The following SLC26A5 variants were observed in gnomAD, a reference collection of about 807,000 sequenced individuals.
The protein encoded by SLC26A5 is solute carrier family 26 member 5, also known as prestin.
Under a neutral mutation model 81.0 loss-of-function variants are expected in SLC26A5, and 51 were observed. The observed-to-expected ratio is 0.63, with a 90% confidence interval of 0.50 to 0.80. The LOEUF (loss-of-function observed/expected upper bound fraction) is 0.80. Among genes scored for constraint, SLC26A5 ranks in the 30% least tolerant of loss-of-function variants. SLC26A5 has a pLI of 0.00. For synonymous variants in SLC26A5, 325 were observed against 332.8 expected, an observed-to-expected ratio of 0.98 and a Z score of 0.25; for missense variants, 771 against 905.8, an observed-to-expected ratio of 0.85 and a Z score of 1.91.
At chr7:103,389,253 C>T in intron 13 of SLC26A5, 76 bp downstream of exon 13, 1 of 1,288,986 alleles carries the variant, frequency 7.8e-7, no homozygotes, top group Non-Finnish European at 1.1e-6. Flanking sequence ...ATTAATTTAT[C>T]TTTCTCACAT....
chr7:103,445,259 GGT>G (rs1268644792), intron 1 of SLC26A5: 1 of 152,222 alleles, frequency 6.6e-6, no homozygotes, highest in African/African-American at 2.4e-5. Flanking sequence ...TTCTTCTGTA[GGT>G]CTCGGAGCTC....
intron 15 of SLC26A5, among the ~76,000 whole-genome samples, chr7:103,379,837 G>A (rs919253630): frequency 1.3e-5 from 2 of 152,104 alleles, no homozygotes; most frequent in African/African-American, 4.8e-5. Flanking sequence ...AACTCTAGGA[G>A]GCAGGCTGGA....
rs778694088 is a variant in SLC26A5, at chr7:103,421,405, T to C, written c.110A>G (p.Lys37Arg). The change falls in exon 3 of 20, where the codon AAG becomes AGG. Residue 37 changes from lysine to arginine, a missense_variant. Lys to Arg is a conservative substitution (Grantham distance 26). Coordinates refer to ENST00000306312, the MANE Select transcript of SLC26A5 (RefSeq NM_198999.3). ...CTTATCCGCAATGGAATCAGGAACC[T>C]TGTCCTTTGTGTGTAGTCTTTCCTG... The part of the protein sequence containing the change: ...VLQERLHTKD[K>R]VPDSIADKLK... 1.9e-6 allele frequency: 3 copies of C among 1,614,140 alleles called. No homozygotes were observed. Among genetic ancestry groups the C allele is most frequent in the Non-Finnish European group, 2.5e-6 (3 of 1,179,992 alleles).
chr7:103,355,808 T>C (rs769017116), intron 19 of SLC26A5: 1 of 1,574,348 alleles, frequency 6.4e-7, no homozygotes, highest in Non-Finnish European at 8.7e-7. Context: ...GCACGGGTGC[T>C]CTGTGGCAAC....
chr7:103,366,986 G>A (rs1240082502), intron 19 of SLC26A5, among the ~76,000 whole-genome samples: 1 of 152,078 alleles, frequency 6.6e-6, no homozygotes, highest in African/African-American at 2.4e-5. Context: ...TGTATTTTTA[G>A]TAGAGACGTG....
chr7:103,395,349 T>A (rs1823002076), intron 9 of SLC26A5, among the ~76,000 whole-genome samples: 1 of 148,140 alleles, frequency 6.8e-6, no homozygotes, highest in South Asian at 2.2e-4. Context: ...AGGTCTTTTT[T>A]TTTTTTTTTT....
chr7:103,355,094 T>A, intron 19 of SLC26A5: 1 of 650,020 alleles, frequency 1.5e-6, no homozygotes, highest in Non-Finnish European at 2.7e-6. Context: ...TTAGATCTCA[T>A]TTAACCATAT....
Position 103,367,817 on chromosome 7 carries a change from G to T in SLC26A5, c.2041+8991C>A. The T allele has an allele frequency of 3.1e-6, 5 of 1,612,830 alleles. No homozygotes were observed. Among genetic ancestry groups the T allele is most frequent in the South Asian group, 2.2e-5 (2 of 90,846 alleles). On this transcript the variant is annotated intron_variant, in intron 19 of 19. Transcript: ENST00000339444. The surrounding 1 kb of genome is among the most constrained non-coding windows in gnomAD (Gnocchi z 6.1). ...TGTGTCCAAATAGCACTGGTAAGTAGAAAGTTCTTGCTTATATTTGCTGGT... is the reference window on the plus strand; with the variant it reads ...TGTGTCCAAATAGCACTGGTAAGTATAAAGTTCTTGCTTATATTTGCTGGT...
At chr7:103,368,083 A>G (rs1820812182) in intron 19 of SLC26A5, 2 of 1,576,062 alleles carry the variant, frequency 1.3e-6, no homozygotes, top group Non-Finnish European at 1.7e-6. Context: ...TGAAAACTTT[A>G]AATTGGAATC....
At chr7:103,383,839 C>G (rs1821980128) in intron 14 of SLC26A5, among the ~76,000 whole-genome samples, 1 of 152,000 alleles carries the variant, frequency 6.6e-6, no homozygotes, top group Admixed American at 6.6e-5. Flanking sequence ...TACACCTTGC[C>G]AACTAAAAAA....
At chr7:103,399,725 C>G (rs1181595289) in intron 8 of SLC26A5, among the ~76,000 whole-genome samples, 1 of 152,184 alleles carries the variant, frequency 6.6e-6, no homozygotes, top group East Asian at 1.9e-4. Context: ...TCCTCAGCCC[C>G]TGACCCATGG....
At chr7:103,406,923 G>A (rs116967094) in intron 8 of SLC26A5, among the ~76,000 whole-genome samples, 1 of 152,334 alleles carries the variant, frequency 6.6e-6, no homozygotes, top group East Asian at 1.9e-4. Flanking sequence ...AAAGTGCTAG[G>A]ATTACAGATG....
In SLC26A5 at chr7:103,389,371, G is replaced by A; in HGVS notation, c.1365C>T (p.Phe455=). 6.2e-7 allele frequency: 1 copy of A among 1,614,108 alleles called. No individual in the cohort carries two copies. The highest frequency in any genetic ancestry group is 1.3e-5 in the African/African-American group (1 of 75,022). Residue 455 remains phenylalanine, a synonymous_variant, in exon 13 of 20, where the codon TTC becomes TTT. Transcript: ENST00000306312. ...IVNLKGMFMQ[F]SDLPFFWRTS... is the part of the protein sequence containing the mutation. ...TTCTCCAGAAAAAGGGGAGATCTGAGAACTGCATAAACATTCCCTTCAGGT... is the reference window on the plus strand; with the variant it reads ...TTCTCCAGAAAAAGGGGAGATCTGAAAACTGCATAAACATTCCCTTCAGGT...
chr7:103,362,792 G>GTA, intron 19 of SLC26A5: 82 of 867,794 alleles, frequency 9.4e-5, no homozygotes, highest in Non-Finnish European at 1.4e-4. Flanking sequence ...GGAAGGCTAT[G>GTA]TCTTTTTTTT....
chr7:103,443,739 T>C (rs1198417994), intron 1 of SLC26A5, among the ~76,000 whole-genome samples: 2 of 152,230 alleles, frequency 1.3e-5, no homozygotes, highest in Non-Finnish European at 2.9e-5. Context: ...TTTATTCTAT[T>C]TGAAAGTAAA....
chr7:103,401,470 G>A (rs555859382), intron 8 of SLC26A5, among the ~76,000 whole-genome samples: 19 of 152,300 alleles, frequency 1.2e-4, no homozygotes, highest in South Asian at 6.2e-4. Context: ...GGGCTGATAC[G>A]AAGGGTTTTT....
chr7:103,387,692 A>T lies in SLC26A5; in HGVS notation c.1514+1316T>A, dbSNP rs910217567. Among the ~76,000 whole-genome samples the T allele has an allele frequency of 3.9e-5, 6 of 152,146 alleles. No homozygotes were observed. The South Asian group carries it at 6.2e-4, about 16-fold the overall frequency. On this transcript the variant is annotated intron_variant, in intron 14 of 19. Transcript: ENST00000306312. ...CTATTTCTTTATTTTATTTTAAAAA[A>T]TTTTTTGAGATGGAGTTTTGCTCTT...
chr7:103,432,776 G>A (rs1031110872), intron 2 of SLC26A5, among the ~76,000 whole-genome samples: 2 of 152,030 alleles, frequency 1.3e-5, no homozygotes, highest in Non-Finnish European at 2.9e-5. Flanking sequence ...TGGAAGGGGA[G>A]GAGTGGTTCT....
chr7:103,411,179 C>T (rs1824457926), intron 6 of SLC26A5, among the ~76,000 whole-genome samples: 1 of 152,176 alleles, frequency 6.6e-6, no homozygotes, highest in South Asian at 2.1e-4. Flanking sequence ...CCAGCACTAA[C>T]CAATCCTGCC....
Sources: allele counts gnomAD v4.1 joint callset (sites outside exome capture counted in the v4.1 genomes callset), GRCh38; gene constraint gnomAD v4.1.1; non-coding constraint Gnocchi (gnomAD v3.1); transcripts MANE v1.5; gene names NCBI Gene and HGNC (gene_info 2026-07-23, HGNC 2026-07-21).